TRPS1: variants seen among roughly 807,000 people sequenced by gnomAD.
TRPS1 encodes the protein transcriptional repressor GATA binding 1.
TRPS1 carries 6 observed loss-of-function variants against 101.2 expected under a neutral mutation model. The ratio of observed to expected loss-of-function variants is 0.06; its 90% confidence interval spans 0.03 to 0.12. The LOEUF is 0.12. Ranked by LOEUF, TRPS1 falls within the 10% of genes least tolerant of loss-of-function variation. The pLI, the probability that TRPS1 is intolerant of heterozygous loss-of-function variation, is 1.00. For missense variants in TRPS1, 1,363 were observed against 1,567.0 expected (o/e 0.87, Z 2.20); for synonymous variants, 578 against 589.8 (o/e 0.98, Z 0.29).
chr8:115,475,338 G>A (rs1230822780), intron 5 of TRPS1, among the ~76,000 whole-genome samples: 4 of 142,796 alleles, frequency 2.8e-5, no homozygotes, highest in Non-Finnish European at 6.0e-5. Context: ...ACTCAGACAT[G>A]CTTCTTTCAC....
intron 1 of TRPS1, among the ~76,000 whole-genome samples, chr8:115,667,353 T>C (rs1221790561): frequency 6.6e-6 from 1 of 152,170 alleles, no homozygotes; most frequent in African/African-American, 2.4e-5. Flanking sequence ...CGCCTCACCC[T>C]CAAATTATTC....
At chr8:115,532,941 T>G (rs894962967) in intron 5 of TRPS1, among the ~76,000 whole-genome samples, 1 of 152,068 alleles carries the variant, frequency 6.6e-6, no homozygotes, top group African/African-American at 2.4e-5. Flanking sequence ...GAGTAGAGGA[T>G]AGATTAGAGA....
intron 5 of TRPS1, among the ~76,000 whole-genome samples, chr8:115,500,055 G>A (rs552677995): frequency 4.0e-5 from 6 of 150,448 alleles, no homozygotes; most frequent in East Asian, 2.0e-4. Context: ...TCCAAGACGC[G>A]ATCTCGCTCT....
At chr8:115,455,216 G>GT (rs1813986242) in intron 5 of TRPS1, among the ~76,000 whole-genome samples, 2 of 152,200 alleles carry the variant, frequency 1.3e-5, no homozygotes, top group South Asian at 4.1e-4. Context: ...AAAATCTCAG[G>GT]TTGTAGCACT....
intron 5 of TRPS1, among the ~76,000 whole-genome samples, chr8:115,428,214 G>A (rs892687335): frequency 2.6e-5 from 4 of 152,096 alleles, no homozygotes; most frequent in Non-Finnish European, 5.9e-5. Flanking sequence ...AGTTCTGAAA[G>A]GTGAGGTTAT....
At chr8:115,566,467 T>C (rs1817069925) in intron 5 of TRPS1, among the ~76,000 whole-genome samples, 1 of 152,122 alleles carries the variant, frequency 6.6e-6, no homozygotes, top group Admixed American at 6.6e-5. Flanking sequence ...GCAGTGCCAA[T>C]GGCATGGCTT....
At chr8:115,467,591 T>A (rs181126141) in intron 5 of TRPS1, among the ~76,000 whole-genome samples, 17 of 152,162 alleles carry the variant, frequency 1.1e-4, no homozygotes, top group East Asian at 1.9e-4. Flanking sequence ...ACACATTTTT[T>A]AAAAAGGGAT....
chr8:115,428,995 A>T (rs1813255455), intron 5 of TRPS1, among the ~76,000 whole-genome samples: 1 of 152,214 alleles, frequency 6.6e-6, no homozygotes, highest in African/African-American at 2.4e-5. Flanking sequence ...TGATAGAGGT[A>T]CTGTGCAGGC....
At chr8:115,462,627 C>G (rs1814210485) in intron 5 of TRPS1, among the ~76,000 whole-genome samples, 2 of 27,572 alleles carry the variant, frequency 7.3e-5, no homozygotes, top group Admixed American at 6.4e-4. Flanking sequence ...TTTCTTTTCT[C>G]TCTCTCTCTC....
intron 5 of TRPS1, among the ~76,000 whole-genome samples, chr8:115,482,362 A>G (rs1814775416): frequency 6.6e-6 from 1 of 152,204 alleles, no homozygotes; most frequent in East Asian, 1.9e-4. Context: ...ATATAGGTCA[A>G]TTTTGGCTGT....
intron 1 of TRPS1, among the ~76,000 whole-genome samples, chr8:115,630,193 G>A (rs1300324906): frequency 6.6e-6 from 1 of 151,922 alleles, no homozygotes; most frequent in Non-Finnish European, 1.5e-5. Flanking sequence ...ATCCCACACA[G>A]CCTCTATTTT....
At chr8:115,484,332 A>G (rs1388021181) in intron 5 of TRPS1, among the ~76,000 whole-genome samples, 1 of 152,196 alleles carries the variant, frequency 6.6e-6, no homozygotes, top group Non-Finnish European at 1.5e-5. Context: ...TCAATTTCAG[A>G]ATCTAATATT....
chr8:115,488,504 C>T (rs1362165397), intron 5 of TRPS1, among the ~76,000 whole-genome samples: 2 of 151,910 alleles, frequency 1.3e-5, no homozygotes, highest in South Asian at 2.1e-4. Context: ...TCCTGGCCAA[C>T]ATGGTGAAAC....
At chr8:115,541,083 T>A (rs1816441229) in intron 5 of TRPS1, among the ~76,000 whole-genome samples, 1 of 152,184 alleles carries the variant, frequency 6.6e-6, no homozygotes, top group African/African-American at 2.4e-5. Context: ...TCACATACCA[T>A]AACAGGTTTG....
At chr8:115,463,127 T>A (rs1814230208) in intron 5 of TRPS1, among the ~76,000 whole-genome samples, 2 of 152,220 alleles carry the variant, frequency 1.3e-5, no homozygotes, top group Non-Finnish European at 2.9e-5. Context: ...GCATTCATGA[T>A]ATTAACACTT....
chr8:115,600,182 T>C (rs999936362), intron 4 of TRPS1, among the ~76,000 whole-genome samples: 4 of 152,196 alleles, frequency 2.6e-5, no homozygotes, highest in African/African-American at 4.8e-5. Context: ...TTGATGATTT[T>C]TTAATTGTAA....
intron 5 of TRPS1, among the ~76,000 whole-genome samples, chr8:115,475,975 C>A (rs1037538756): frequency 6.6e-6 from 1 of 151,414 alleles, no homozygotes; most frequent in African/African-American, 2.4e-5. Context: ...ACATGCTTTA[C>A]CAAAAAGAGG....
chr8:115,498,642 A>T (rs529849862), intron 5 of TRPS1, among the ~76,000 whole-genome samples: 30 of 152,032 alleles, frequency 2.0e-4, no homozygotes, highest in African/African-American at 7.2e-4. Context: ...CTGTAGCTAC[A>T]AAATTTAATG....
At chr8:115,556,142 T>C (rs1357372638) in intron 5 of TRPS1, among the ~76,000 whole-genome samples, 2 of 152,190 alleles carry the variant, frequency 1.3e-5, no homozygotes, top group East Asian at 3.9e-4. Flanking sequence ...AGATTACCAT[T>C]CAAAAGGCTG....
Sources: gnomAD v4.1 joint callset for allele counts (sites outside exome capture counted in the v4.1 genomes callset) on GRCh38, gnomAD v4.1.1 for gene constraint, MANE v1.5 for transcripts, NCBI Gene and HGNC (gene_info 2026-07-23, HGNC 2026-07-21) for gene names.